DACH2: variants seen among roughly 807,000 people sequenced by gnomAD.
DACH2 encodes the protein dachshund family transcription factor 2.
In DACH2, 17 loss-of-function variants were observed where a neutral mutation model predicts 35.8. That is an observed-to-expected ratio of 0.48 (90% CI 0.33 to 0.71). The LOEUF (loss-of-function observed/expected upper bound fraction) is 0.71, where lower values mean the gene tolerates loss of function less well. Ranked by LOEUF, DACH2 falls within the 30% of genes least tolerant of loss-of-function variation. The pLI, the probability that DACH2 is intolerant of heterozygous loss-of-function variation, is 0.02. For missense variants in DACH2, 469 were observed against 472.7 expected (o/e 0.99, Z 0.07); for synonymous variants, 195 against 177.3 (o/e 1.10, Z -0.79).
At chrX:86,355,450 T>C (rs1285149462) in intron 1 of DACH2, among the ~76,000 whole-genome samples, 1 of 112,346 alleles carries the variant, frequency 8.9e-6, no homozygotes, top group Non-Finnish European at 1.9e-5. Flanking sequence ...CTTTCCACAG[T>C]GGCTGAACTA....
At chrX:86,675,806 A>G (rs1200309960) in intron 4 of DACH2, among the ~76,000 whole-genome samples, 1 of 111,875 alleles carries the variant, frequency 8.9e-6, no homozygotes, top group Non-Finnish European at 1.9e-5. Context: ...ATTTACAGAT[A>G]AACTGCTTAT....
At chrX:86,812,251 A>G (rs1433209395) in intron 7 of DACH2, among the ~76,000 whole-genome samples, 2 of 111,876 alleles carry the variant, frequency 1.8e-5, no homozygotes, top group Non-Finnish European at 3.8e-5. Context: ...AGAAAAGGCA[A>G]ATCTTTGGAG....
intron 1 of DACH2, among the ~76,000 whole-genome samples, chrX:86,311,534 G>A (rs1026377807): frequency 1.5e-4 from 17 of 111,123 alleles, no homozygotes; most frequent in African/African-American, 3.6e-4. Flanking sequence ...TGTTTCTCTC[G>A]TAGCCAGGAT....
At chrX:86,660,797 G>A (rs1214086865) in intron 4 of DACH2, among the ~76,000 whole-genome samples, 1 of 111,032 alleles carries the variant, frequency 9.0e-6, no homozygotes, top group African/African-American at 3.3e-5. Flanking sequence ...CACTGTCATG[G>A]TATACATATA....
chrX:86,449,387 G>A (rs1209016691), intron 2 of DACH2, among the ~76,000 whole-genome samples: 1 of 107,694 alleles, frequency 9.3e-6, no homozygotes, highest in Admixed American at 1.0e-4. Context: ...TAATTGTGAT[G>A]TTAGGGTGTC....
intron 1 of DACH2, among the ~76,000 whole-genome samples, chrX:86,154,326 T>G (rs1400158451): frequency 9.0e-6 from 1 of 111,397 alleles, no homozygotes; most frequent in African/African-American, 3.2e-5. Flanking sequence ...ACTGAAAATA[T>G]TATGTTTTTG....
chrX:86,496,158 TA>T (rs1331919412), intron 2 of DACH2, among the ~76,000 whole-genome samples: 1 of 111,829 alleles, frequency 8.9e-6, no homozygotes, highest in East Asian at 2.8e-4. Context: ...CATTGATTTT[TA>T]AAATGAAAAA....
chrX:86,208,288 G>A (rs1415162261), intron 1 of DACH2, among the ~76,000 whole-genome samples: 1 of 110,423 alleles, frequency 9.1e-6, no homozygotes, highest in Non-Finnish European at 1.9e-5. Context: ...TAAAAATGTA[G>A]CTTTTATTAT....
intron 2 of DACH2, among the ~76,000 whole-genome samples, chrX:86,383,084 T>C (rs2036070784): frequency 9.0e-6 from 1 of 110,797 alleles, no homozygotes; most frequent in Non-Finnish European, 1.9e-5. Flanking sequence ...ATGCTACCTA[T>C]CCTATGTGGA....
intron 1 of DACH2, among the ~76,000 whole-genome samples, chrX:86,161,821 C>T (rs1202100271): frequency 8.9e-6 from 1 of 111,815 alleles, no homozygotes; most frequent in Non-Finnish European, 1.9e-5. Flanking sequence ...AGAGGACTGA[C>T]AGGTTTTTGT....
At chrX:86,454,801 T>A (rs1187595361) in intron 2 of DACH2, among the ~76,000 whole-genome samples, 1 of 112,119 alleles carries the variant, frequency 8.9e-6, no homozygotes, top group Non-Finnish European at 1.9e-5. Context: ...CTCAGCCCAC[T>A]TCTGTGCCCT....
chrX:86,422,264 C>CT (rs768343132), intron 2 of DACH2, among the ~76,000 whole-genome samples: 9 of 110,493 alleles, frequency 8.1e-5, no homozygotes, highest in Non-Finnish European at 1.3e-4. Context: ...TCTATTTGAT[C>CT]TTTTTTTTCT....
chrX:86,707,538 G>A (rs2041229315), intron 5 of DACH2, among the ~76,000 whole-genome samples: 1 of 111,596 alleles, frequency 9.0e-6, no homozygotes, highest in African/African-American at 3.3e-5. Flanking sequence ...ATAGGAAAGG[G>A]AAACTACAGA....
At chrX:86,383,946 T>G (rs774962779) in intron 2 of DACH2, among the ~76,000 whole-genome samples, 3 of 111,353 alleles carry the variant, frequency 2.7e-5, no homozygotes, top group South Asian at 7.5e-4. Flanking sequence ...TGTCTCAGGC[T>G]GTGTGTTTCT....
chrX:86,185,059 T>C (rs2031641250), intron 1 of DACH2, among the ~76,000 whole-genome samples: 1 of 111,870 alleles, frequency 8.9e-6, no homozygotes, highest in African/African-American at 3.2e-5. Context: ...GGTAGAATTA[T>C]GGCATCACTT....
At chrX:86,606,651 A>C (rs2039862307) in intron 3 of DACH2, among the ~76,000 whole-genome samples, 1 of 111,528 alleles carries the variant, frequency 9.0e-6, no homozygotes, top group African/African-American at 3.3e-5. Flanking sequence ...TGTGCTGAGC[A>C]AAAGAATGTG....
At chrX:86,527,506 T>C (rs1003827846) in intron 3 of DACH2, among the ~76,000 whole-genome samples, 4 of 112,532 alleles carry the variant, frequency 3.6e-5, no homozygotes, top group Non-Finnish European at 7.5e-5. Flanking sequence ...AGATTCCAAA[T>C]TGTTGTGTAT....
At chrX:86,528,446 T>A (rs1192419960) in intron 3 of DACH2, among the ~76,000 whole-genome samples, 1 of 111,766 alleles carries the variant, frequency 8.9e-6, no homozygotes, top group Non-Finnish European at 1.9e-5. Context: ...CTTAGGGTAC[T>A]CTGGCCACAA....
intron 1 of DACH2, among the ~76,000 whole-genome samples, chrX:86,263,961 A>G (rs781584707): frequency 8.9e-6 from 1 of 112,226 alleles, no homozygotes; most frequent in Non-Finnish European, 1.9e-5. Flanking sequence ...AAAATTCAAG[A>G]GGCAATTGAT....
Sources: gnomAD v4.1 joint callset for allele counts (sites outside exome capture counted in the v4.1 genomes callset) on GRCh38, gnomAD v4.1.1 for gene constraint, MANE v1.5 for transcripts, NCBI Gene and HGNC (gene_info 2026-07-23, HGNC 2026-07-21) for gene names.